Variants in SYBU observed in about 807,000 individuals in gnomAD.
SYBU encodes syntabulin.
A neutral mutation model predicts 35.9 loss-of-function variants in SYBU; 21 were observed. That is an observed-to-expected ratio of 0.58 (90% CI 0.41 to 0.84). The LOEUF (loss-of-function observed/expected upper bound fraction) is 0.84. SYBU is among the 40% of genes least tolerant of loss of function. The probability of loss-of-function intolerance (pLI) is 0.00; values close to 1 mark genes in which losing one functional copy is unlikely to be tolerated. For missense variants in SYBU, 768 were observed against 848.2 expected, an observed-to-expected ratio of 0.91 and a Z score of 1.17; for synonymous variants, 319 against 324.3, an observed-to-expected ratio of 0.98 and a Z score of 0.18.
intron 3 of SYBU, among the ~76,000 whole-genome samples, chr8:109,602,764 A>G (rs1158513418): frequency 1.3e-5 from 2 of 152,160 alleles, no homozygotes; most frequent in African/African-American, 2.4e-5. Flanking sequence ...ACGTCAATAC[A>G]ATAAAACAAA....
intron 3 of SYBU, among the ~76,000 whole-genome samples, chr8:109,610,753 T>A (rs368553722): frequency 6.6e-6 from 1 of 152,186 alleles, no homozygotes; most frequent in Non-Finnish European, 1.5e-5. Flanking sequence ...GAGGTCCAGG[T>A]ATTTATCCCT....
intron 1 of SYBU, among the ~76,000 whole-genome samples, chr8:109,673,470 C>A (rs1223645760): frequency 6.6e-6 from 1 of 152,108 alleles, no homozygotes; most frequent in Admixed American, 6.5e-5. Context: ...AACTAACAAG[C>A]AGAAAGAAAT....
intron 1 of SYBU, chr8:109,643,263 C>T: frequency 2.3e-6 from 2 of 865,984 alleles, no homozygotes; most frequent in Non-Finnish European, 2.8e-6. Context: ...CTATCACATT[C>T]AAGCTTCTGC....
intron 2 of SYBU, among the ~76,000 whole-genome samples, chr8:109,622,609 T>C (rs1018067607): frequency 2.0e-5 from 3 of 152,192 alleles, no homozygotes; most frequent in South Asian, 2.1e-4. Flanking sequence ...CTTACCATAC[T>C]AAACTACATG....
At chr8:109,604,062 GAAAT>G (rs1238136303) in intron 3 of SYBU, among the ~76,000 whole-genome samples, 12 of 151,816 alleles carry the variant, frequency 7.9e-5, no homozygotes, top group Non-Finnish European at 2.9e-5. Flanking sequence ...TTATCAGAGA[GAAAT>G]AAAGAAAGAG....
At chr8:109,690,820 A>C (rs1240475662) in intron 1 of SYBU, among the ~76,000 whole-genome samples, 3 of 152,164 alleles carry the variant, frequency 2.0e-5, no homozygotes, top group Non-Finnish European at 1.5e-5. Context: ...TCTCACCTGG[A>C]ATAGTCTTTA....
At chr8:109,582,306 C>A (rs145681391) in intron 4 of SYBU, among the ~76,000 whole-genome samples, 123 of 152,266 alleles carry the variant, frequency 8.1e-4, no homozygotes, top group African/African-American at 2.9e-3. Context: ...AATATCAGTT[C>A]TCTTCATTTA....
chr8:109,604,438 A>G (rs1825857190), intron 3 of SYBU, among the ~76,000 whole-genome samples: 1 of 152,134 alleles, frequency 6.6e-6, no homozygotes, highest in African/African-American at 2.4e-5. Flanking sequence ...ACATATCACA[A>G]CATACAGGGA....
intron 1 of SYBU, among the ~76,000 whole-genome samples, chr8:109,662,434 G>C (rs1244422930): frequency 6.6e-6 from 1 of 152,132 alleles, no homozygotes; most frequent in Admixed American, 6.5e-5. Flanking sequence ...TAAGTCACCA[G>C]GTCCTCTCTG....
upstream of SYBU, chr8:109,648,780 C>A (rs1036081342): frequency 6.6e-6 from 1 of 151,980 alleles, no homozygotes; most frequent in East Asian, 1.9e-4. Context: ...GCTGCTGTCT[C>A]TCTCGGTGAC....
chr8:109,580,433 G>A (rs368311761), intron 4 of SYBU: 5 of 174,330 alleles, frequency 2.9e-5, no homozygotes, highest in South Asian at 2.7e-4. Flanking sequence ...AAATTAATGC[G>A]GTTCATTTGG....
In SYBU at chr8:109,577,922, G is replaced by C. The variant is rs766479759; in HGVS notation, c.830C>G (p.Thr277Arg). 6.2e-7 allele frequency: 1 copy of C among 1,613,770 alleles called. No individual in the cohort carries two copies. Among genetic ancestry groups the C allele is most frequent in the Non-Finnish European group, 8.5e-7 (1 of 1,179,918 alleles). ...CAGCTTGGTTTTGAGGTGTCTCACTGTCACCTCTTTCTGCTGCAGTGGAGT... is the reference window on the plus strand; with the variant it reads ...CAGCTTGGTTTTGAGGTGTCTCACTCTCACCTCTTTCTGCTGCAGTGGAGT... ...YLTPLQQKEV[T>R]VRHLKTKLKE... Residue 277 changes from threonine to arginine, a missense_variant, in exon 6 of 7, where the codon ACA becomes AGA. Transcript: ENST00000276646.
At position 109,691,343 on chromosome 8, in the gene SYBU, C is replaced by A. The variant is rs1817640320; in HGVS notation, c.-68G>T. On this transcript the variant is annotated 5_prime_UTR_variant, in exon 1 of 8. Transcript: ENST00000422135. The surrounding 1 kb of genome is among the most constrained non-coding windows in gnomAD (Gnocchi z 4.7). ...GCGCCCCGGTCTTACCCTTTCTCGC[C>A]CAGAAGGGCCCCATCGCGCTGTCCA... 1 of 701,816 alleles carries A rather than the reference C, an allele frequency of 1.4e-6. No homozygotes were observed. The highest frequency in any genetic ancestry group is 2.6e-6 in the Non-Finnish European group (1 of 384,634). The allele number at this position is 701,816 out of a possible 1,614,324, so 43.5% of individuals were successfully genotyped here. A position where few individuals can be genotyped will look rare whatever the true frequency, so the allele number is the denominator to read the frequency against.
chr8:109,686,899 G>T (rs762451635), intron 1 of SYBU, among the ~76,000 whole-genome samples: 1 of 151,976 alleles, frequency 6.6e-6, no homozygotes. Flanking sequence ...TACTTAGAAG[G>T]TCATTTGGAA....
intron 4 of SYBU, among the ~76,000 whole-genome samples, chr8:109,585,514 G>C (rs974776454): frequency 6.6e-6 from 1 of 152,188 alleles, no homozygotes; most frequent in Non-Finnish European, 1.5e-5. Context: ...CCTGGTTTCA[G>C]AGCCCACACA....
intron 1 of SYBU, among the ~76,000 whole-genome samples, chr8:109,659,623 G>C (rs547643451): frequency 7.2e-5 from 11 of 152,202 alleles, no homozygotes; most frequent in African/African-American, 2.4e-4. Flanking sequence ...ACATTCATAA[G>C]AGCACTTCAA....
At chr8:109,654,058 T>A (rs533307209) in intron 1 of SYBU, among the ~76,000 whole-genome samples, 1 of 152,212 alleles carries the variant, frequency 6.6e-6, no homozygotes, top group Non-Finnish European at 1.5e-5. Context: ...TATTTTTTTT[T>A]ATAACTTTAA....
intron 1 of SYBU, among the ~76,000 whole-genome samples, chr8:109,688,889 A>G (rs1298198805): frequency 6.6e-6 from 1 of 152,198 alleles, no homozygotes; most frequent in Non-Finnish European, 1.5e-5. Context: ...GAAATTGACT[A>G]AAATGAAATT....
At chr8:109,630,703 G>A (rs1037821690) in intron 2 of SYBU, among the ~76,000 whole-genome samples, 1 of 152,226 alleles carries the variant, frequency 6.6e-6, no homozygotes, top group Non-Finnish European at 1.5e-5. Context: ...TTATGATTGT[G>A]TAGGGGGTGA....
Sources: allele counts gnomAD v4.1 joint callset (sites outside exome capture counted in the v4.1 genomes callset), GRCh38; gene constraint gnomAD v4.1.1; non-coding constraint Gnocchi (gnomAD v3.1); transcripts MANE v1.5; gene names NCBI Gene and HGNC (gene_info 2026-07-23, HGNC 2026-07-21).